CD99L2: variants seen among roughly 807,000 people sequenced by gnomAD.
The protein encoded by CD99L2 is CD99 antigen-like protein 2.
In CD99L2, 24 loss-of-function variants were observed where a neutral mutation model predicts 27.3. The observed-to-expected ratio is 0.88, with a 90% CI of 0.64 to 1.24. CD99L2 has a LOEUF of 1.24. CD99L2 is among the 50% of genes most tolerant of loss of function. The probability of loss-of-function intolerance (pLI) is 0.00; values close to 1 mark genes in which losing one functional copy is unlikely to be tolerated. For missense variants in CD99L2, 255 were observed against 221.6 expected (o/e 1.15, Z -0.96); for synonymous variants, 97 against 87.9 (o/e 1.10, Z -0.58).
chrX:150,873,797 A>G (rs1302757821), intron 1 of CD99L2, among the ~76,000 whole-genome samples: 3 of 111,478 alleles, frequency 2.7e-5, no homozygotes, highest in African/African-American at 9.8e-5. Context: ...TGCCTGGCTC[A>G]CTATAAATAC....
intron 1 of CD99L2, among the ~76,000 whole-genome samples, chrX:150,852,810 A>G (rs782525018): frequency 4.5e-5 from 5 of 111,842 alleles, no homozygotes; most frequent in Non-Finnish European, 9.4e-5. Context: ...TATGGCTGAA[A>G]AAAGTCCACT....
At chrX:150,817,214 T>A (rs1244474992) in intron 2 of CD99L2, among the ~76,000 whole-genome samples, 1 of 104,059 alleles carries the variant, frequency 9.6e-6, no homozygotes, top group African/African-American at 3.5e-5. Context: ...AAAATAAAAA[T>A]AAATAAATAA....
chrX:150,897,526 AGTGTGTGT>A (rs58656065), intron 1 of CD99L2, among the ~76,000 whole-genome samples: 6 of 103,811 alleles, frequency 5.8e-5, no homozygotes, highest in African/African-American at 1.1e-4. Context: ...ACTAGGACAA[AGTGTGTGT>A]GTGTGTGTGT....
intron 1 of CD99L2, among the ~76,000 whole-genome samples, chrX:150,860,105 T>C (rs2046952098): frequency 9.0e-6 from 1 of 111,297 alleles, no homozygotes; most frequent in Admixed American, 9.5e-5. Flanking sequence ...CTGAATTAAA[T>C]AGCACATCAA....
At chrX:150,824,480 GAAGAAAGAAGAAGAAGA>G (rs1466378085) in intron 2 of CD99L2, among the ~76,000 whole-genome samples, 28 of 83,864 alleles carry the variant, frequency 3.3e-4, no homozygotes, top group African/African-American at 1.2e-3. Flanking sequence ...GAAGAAGAAA[GAAGAAAGAAGAAGAAGA>G]AAGAAGAAGA....
chrX:150,770,422 C>T, intron 9 of CD99L2, 53 bp from the exon 10 acceptor site: 1 of 1,091,915 alleles, frequency 9.2e-7, no homozygotes, highest in South Asian at 1.9e-5. Context: ...TAAGGGTCCC[C>T]AATCGTGACT....
chrX:150,845,395 T>TC (rs1557421445), intron 1 of CD99L2, among the ~76,000 whole-genome samples: 1 of 111,443 alleles, frequency 9.0e-6, no homozygotes, highest in African/African-American at 3.3e-5. Context: ...AAACACAGAG[T>TC]CGTGGGCTTT....
chrX:150,883,208 AAAAC>A (rs1412987141), intron 1 of CD99L2, among the ~76,000 whole-genome samples: 4 of 111,907 alleles, frequency 3.6e-5, no homozygotes, highest in Non-Finnish European at 7.5e-5. Context: ...AAACAAAAAC[AAAAC>A]AAACAAACAA....
chrX:150,895,975 G>A (rs143894448), intron 1 of CD99L2, among the ~76,000 whole-genome samples: 4,221 of 99,907 alleles, frequency 0.042, 103 homozygotes, highest in East Asian at 0.084. Context: ...GTAGTGAGCC[G>A]AGATCGCGCC....
At chrX:150,795,146 G>T in intron 6 of CD99L2, 60 bp downstream of exon 6, 1 of 1,163,933 alleles carries the variant, frequency 8.6e-7, no homozygotes, top group Non-Finnish European at 1.2e-6. Flanking sequence ...GGCCCAAGCT[G>T]GCTCTGGCTC....
At chrX:150,812,977 CT>C (rs782679976) in intron 4 of CD99L2, among the ~76,000 whole-genome samples, 4,918 of 107,926 alleles carry the variant, frequency 0.046, 227 homozygotes, top group African/African-American at 0.14. Context: ...TGAAATACAA[CT>C]TTTTTTTTTG....
At chrX:150,801,587 G>A (rs577606691) in intron 4 of CD99L2, among the ~76,000 whole-genome samples, 1 of 110,193 alleles carries the variant, frequency 9.1e-6, no homozygotes, top group South Asian at 3.9e-4. Flanking sequence ...ATTTGGATGG[G>A]GACACAGAGC....
chrX:150,881,550 AC>A, intron 1 of CD99L2, among the ~76,000 whole-genome samples: 1 of 112,587 alleles, frequency 8.9e-6, no homozygotes, highest in East Asian at 2.8e-4. Flanking sequence ...TTGGTCCAGC[AC>A]CAAGCAAGAT....
At chrX:150,854,355 G>A (rs1421259025) in intron 1 of CD99L2, among the ~76,000 whole-genome samples, 1 of 111,873 alleles carries the variant, frequency 8.9e-6, no homozygotes, top group Non-Finnish European at 1.9e-5. Flanking sequence ...ATAACAAGAT[G>A]CAAAACTGCT....
intron 2 of CD99L2, among the ~76,000 whole-genome samples, chrX:150,821,393 C>T (rs2046240226): frequency 8.9e-6 from 1 of 111,990 alleles, no homozygotes; most frequent in Non-Finnish European, 1.9e-5. Context: ...CAACAGGATG[C>T]CAACACCATT....
At chrX:150,816,188 C>T in intron 2 of CD99L2, 110 bp from the exon 3 acceptor site, 1 of 683,117 alleles carries the variant, frequency 1.5e-6, no homozygotes, top group Admixed American at 2.5e-5. Context: ...TTGTCTTGGT[C>T]CTTGAGGCCC....
chrX:150,872,166 G>C (rs1404805343), intron 1 of CD99L2, among the ~76,000 whole-genome samples: 2 of 110,915 alleles, frequency 1.8e-5, no homozygotes, highest in African/African-American at 6.6e-5. Context: ...GGGAGGTCAA[G>C]GCTGCAGTGA....
intron 1 of CD99L2, among the ~76,000 whole-genome samples, chrX:150,882,599 C>A (rs1372081207): frequency 9.1e-6 from 1 of 109,941 alleles, no homozygotes; most frequent in Non-Finnish European, 1.9e-5. Context: ...CACTTGAACC[C>A]GGGAGGCGGA....
intron 1 of CD99L2, among the ~76,000 whole-genome samples, chrX:150,835,994 C>G (rs2046520802): frequency 9.0e-6 from 1 of 111,351 alleles, no homozygotes; most frequent in Non-Finnish European, 1.9e-5. Flanking sequence ...ACTAGAGGCT[C>G]TGGCTAATCA....
Sources: allele counts gnomAD v4.1 joint callset (sites outside exome capture counted in the v4.1 genomes callset), GRCh38; gene constraint gnomAD v4.1.1; transcripts MANE v1.5; gene names NCBI Gene and HGNC (gene_info 2026-07-23, HGNC 2026-07-21).